S100A14: variants seen among roughly 807,000 people sequenced by gnomAD.
The protein encoded by S100A14 is S100 calcium binding protein A14, also known as protein S100-A14.
A neutral mutation model predicts 10.6 loss-of-function variants in S100A14; 6 were observed. That is an observed-to-expected ratio of 0.57 (90% CI 0.31 to 1.12). S100A14 has a LOEUF of 1.12. Among genes scored for constraint, S100A14 ranks in the 50% most tolerant of loss-of-function variants. The pLI is 0.06. For synonymous variants in S100A14, 51 were observed against 51.0 expected (o/e 1.00, Z 0.00); for missense variants, 121 against 128.7 (o/e 0.94, Z 0.29).
rs766967481 is a variant in S100A14, at chr1:153,615,393, G to A, written c.31-12C>T. The A allele has an allele frequency of 3.1e-6, 5 of 1,612,084 alleles. No individual in the cohort carries two copies. In the Admixed American group the frequency reaches 5.0e-5, roughly 16 times the overall value. ...AATTCCTGAGCATCCTGAGGGCAGG[G>A]GACATCACAAACATCAGTGAAGCTC... is the stretch of plus-strand genomic sequence containing the variant. On this transcript the variant is annotated splice_polypyrimidine_tract_variant and intron_variant, in intron 2 of 3. Coordinates refer to ENST00000344616, the MANE Select transcript of S100A14 (RefSeq NM_020672.3).
Position 153,615,932 on chromosome 1 carries a change from A to C in S100A14, c.-74T>G, listed in dbSNP as rs2101522769. On this transcript the variant is annotated 5_prime_UTR_variant, in exon 2 of 4. An upstream start codon of the reference 5' UTR is lost. Transcript: ENST00000344616. Reference sequence around the variant, plus strand: ...CTGGCCCCAGAGGAGCTGATGGCTCATGATCTGCTTAGAGGAGGGGGTAGG... The same window carrying C: ...CTGGCCCCAGAGGAGCTGATGGCTCCTGATCTGCTTAGAGGAGGGGGTAGG... 1 of 1,481,218 alleles carries C rather than the reference A, an allele frequency of 6.8e-7. No homozygotes were observed. Among genetic ancestry groups the C allele is most frequent in the East Asian group, 2.3e-5 (1 of 44,090 alleles). The allele number at this position is 1,481,218 out of a possible 1,614,324, so 91.8% of individuals were successfully genotyped here.
chr1:153,616,132 T>C, intron 1 of S100A14, 163 bp downstream of exon 1: 1 of 411,674 alleles, frequency 2.4e-6, no homozygotes, highest in Non-Finnish European at 4.5e-6. Context: ...GGGGAATCCC[T>C]TGGAACTCAC....
Position 153,615,235 on chromosome 1 carries a change from C to T in S100A14, c.177G>A (p.Pro59=), listed in dbSNP as rs201980286. The T allele has an allele frequency of 4.6e-5, 74 of 1,613,580 alleles. 1 individual carries two copies. The highest frequency in any genetic ancestry group is 4.5e-4 in the Admixed American group (27 of 59,996). ...GAGGTGGGGTGTGCTCCGTCCATAC[C>T]GGCATGAGATGGGGCAGCTGCTGGG... ...LVTQQLPHLM[P]SNCGLEEKIA... The change falls in exon 3 of 4, where the codon CCG becomes CCA. Residue 59 remains proline (P), a splice_region_variant and synonymous_variant. Transcript: ENST00000344616.
chr1:153,614,875 G>C lies in S100A14; in HGVS notation c.*10C>G. On this transcript the variant is annotated 3_prime_UTR_variant, in exon 4 of 4. Transcript: ENST00000344616. ...TCCCCAACACCCCCCAAGAATTCCA[G>C]AGGGAGTTCTCAGTGCCCCCGGACA... The C allele has an allele frequency of 6.2e-7, 1 of 1,612,208 alleles. No individual in the cohort carries two copies. Among genetic ancestry groups the C allele is most frequent in the Non-Finnish European group, 8.5e-7 (1 of 1,179,280 alleles).
At chr1:153,615,704 C>T (rs1666948473) in intron 2 of S100A14, 125 bp downstream of exon 2, 1 of 964,006 alleles carries the variant, frequency 1.0e-6, no homozygotes, top group Non-Finnish European at 1.6e-6. Context: ...GTTCACATCT[C>T]ACTCACAGGG....
Position 153,615,313 on chromosome 1 carries a change from G to A in S100A14, c.99C>T (p.Ser33=), listed in dbSNP as rs1270640565. The stretch of plus-strand genomic sequence containing the variant: ...TCAGCGTCTCCTTCCCACCCTCCAC[G>A]GAGTACTGGTGAAAGTTCTTGATGA... ...ETLIKNFHQY[S]VEGGKETLTP... The change falls in exon 3 of 4, where the codon TCC becomes TCT. Residue 33 remains serine, a synonymous_variant. Transcript: ENST00000344616. The A allele has an allele frequency of 9.9e-6, 16 of 1,613,922 alleles. No individual in the cohort carries two copies. The highest frequency in any genetic ancestry group is 1.3e-5 in the African/African-American group (1 of 74,998).
chr1:153,615,492 A>G, intron 2 of S100A14, 111 bp from the exon 3 acceptor site: 1 of 1,260,844 alleles, frequency 7.9e-7, no homozygotes, highest in African/African-American at 1.5e-5. Context: ...GAAGGCACAC[A>G]GCTCCCACCC....
rs546447155 is a variant in S100A14, at chr1:153,615,447, G to A, written c.31-66C>T. ...GCACCCCAAAACCCTGCTTCTCCAG[G>A]AGCCTAGCAAAGCCCCCAGGGCAGA... is the stretch of plus-strand genomic sequence containing the variant. On this transcript the variant is annotated intron_variant, in intron 2 of 3. Transcript: ENST00000344616. The A allele has an allele frequency of 4.5e-6, 7 of 1,564,542 alleles. No homozygotes were observed. In the African/African-American group the frequency reaches 9.5e-5, roughly 21 times the overall value.
Position 153,614,668 on chromosome 1 carries a change from C to A in S100A14, c.*217G>T. On this transcript the variant is annotated 3_prime_UTR_variant, in exon 4 of 4. Transcript: ENST00000344616. The stretch of plus-strand genomic sequence containing the variant: ...CCTCAAATATTCATCCCTGGCCCAA[C>A]CAGTCCCCTGAGCCTCCCTCTGGTG... The A allele has an allele frequency of 3.8e-6, 2 of 523,034 alleles. No individual in the cohort carries two copies. The highest frequency in any genetic ancestry group is 3.3e-5 in the South Asian group (1 of 30,072). 32.4% of individuals were successfully genotyped at this position (523,034 alleles called of 1,614,324 possible).
chr1:153,615,993 A>C, intron 1 of S100A14, 57 bp from the exon 2 acceptor site: 38 of 827,614 alleles, frequency 4.6e-5, no homozygotes, highest in East Asian at 1.1e-4. Context: ...TTTCTTTCTC[A>C]GCTGCCCCCT....
At position 153,616,310 on chromosome 1, in the gene S100A14, G is replaced by A. The variant is rs1358445643; in HGVS notation, c.-94C>T. On this transcript the variant is annotated 5_prime_UTR_variant, in exon 1 of 4. Transcript: ENST00000344616. ...GTTTCCTTACCTGTTGGCAGCCGCT[G>A]AGACAAGACAGGAGGAGCCAGCTCA... 1 of 159,768 alleles carries A rather than the reference G, an allele frequency of 6.3e-6. No individual in the cohort carries two copies. The highest frequency in any genetic ancestry group is 1.8e-4 in the East Asian group (1 of 5,642). 9.9% of individuals were successfully genotyped at this position (159,768 alleles called of 1,614,324 possible). A position where few individuals can be genotyped will look rare whatever the true frequency, so the allele number is the denominator to read the frequency against.
Position 153,615,821 on chromosome 1 carries a change from G to C in S100A14, c.30+8C>G, listed in dbSNP as rs762507768. The C allele has an allele frequency of 6.2e-7, 1 of 1,613,882 alleles. No individual in the cohort carries two copies. Among genetic ancestry groups the C allele is most frequent in the Non-Finnish European group, 8.5e-7 (1 of 1,179,822 alleles). ...GGGAGCAGAAAGGCCAGGAGTGAAT[G>C]AGCCCACCTCTGCGTTGGCTGACCG... On this transcript the variant is annotated splice_region_variant and intron_variant, in intron 2 of 3. Transcript: ENST00000344616.
At position 153,614,339 on chromosome 1, in the gene S100A14, C is replaced by T. The variant is rs1044138241; in HGVS notation, c.*546G>A. 5.9e-5 allele frequency: 9 copies of T among 152,910 alleles called. No homozygotes were observed. Among genetic ancestry groups the T allele is most frequent in the African/African-American group, 2.2e-4 (9 of 41,456 alleles). 9.5% of individuals were successfully genotyped at this position (152,910 alleles called of 1,614,324 possible). A position where few individuals can be genotyped will look rare whatever the true frequency, so the allele number is the denominator to read the frequency against. ...AATGCCCAAGCACCCAGCTGGTCCT[C>T]TCCCCACATGTCACACTCTCCTCAG... is the stretch of plus-strand genomic sequence containing the variant. On this transcript the variant is annotated 3_prime_UTR_variant, in exon 4 of 4. Transcript: ENST00000344616.
In S100A14 at chr1:153,616,168, C is replaced by G. The variant is rs149458610; in HGVS notation, c.-79+127G>C. On this transcript the variant is annotated intron_variant, in intron 1 of 3. Coordinates refer to ENST00000344616, the MANE Select transcript of S100A14 (RefSeq NM_020672.3). ...CTTAGCTTAATTCTTTCCACCTCCT[C>G]CAACCACCCACCTCTGCTTGAAACA... 512 of 305,914 alleles carry G rather than the reference C, an allele frequency of 1.7e-3. 5 individuals are homozygous for G. Among genetic ancestry groups the G allele is most frequent in the Middle Eastern group, 0.016 (16 of 992 alleles). 18.9% of individuals were successfully genotyped at this position (305,914 alleles called of 1,614,324 possible). A position where few individuals can be genotyped will look rare whatever the true frequency, so the allele number is the denominator to read the frequency against.
chr1:153,615,508 A>G (rs1379728434), intron 2 of S100A14, 127 bp from the exon 3 acceptor site: 5 of 1,117,364 alleles, frequency 4.5e-6, no homozygotes, highest in Non-Finnish European at 6.3e-6. Context: ...CACCCACTCC[A>G]GAGCCCAGAA....
In S100A14 at chr1:153,614,423, G is replaced by A. The variant is rs1173555269; in HGVS notation, c.*462C>T. ...GCCCTAGCCCAGGGACAGAGTCTAG[G>A]AGGAGCCTGGGGCAGAGCTGGAGGC... is the stretch of plus-strand genomic sequence containing the variant. On this transcript the variant is annotated 3_prime_UTR_variant, in exon 4 of 4. Coordinates refer to ENST00000344616, the MANE Select transcript of S100A14 (RefSeq NM_020672.3). 2 of 158,786 alleles carry A rather than the reference G, an allele frequency of 1.3e-5. No individual in the cohort carries two copies. The highest frequency in any genetic ancestry group is 2.8e-5 in the Non-Finnish European group (2 of 71,860). 9.8% of individuals were successfully genotyped at this position (158,786 alleles called of 1,614,324 possible).
At chr1:153,615,059 G>T in intron 3 of S100A14, 37 bp from the exon 4 acceptor site, 1 of 1,608,034 alleles carries the variant, frequency 6.2e-7, no homozygotes, top group Non-Finnish European at 8.5e-7. Context: ...CAGGGATGCA[G>T]CACCTTCCAA....
chr1:153,615,606 G>A (rs1332590433), intron 2 of S100A14, among the ~76,000 whole-genome samples: 4 of 152,004 alleles, frequency 2.6e-5, no homozygotes, highest in Non-Finnish European at 5.9e-5. Flanking sequence ...ACCCCCCACC[G>A]CAGGCAGAGC....
intron 2 of S100A14, 125 bp from the exon 3 acceptor site, chr1:153,615,506 C>A: frequency 1.3e-5 from 14 of 1,116,586 alleles, no homozygotes; most frequent in Non-Finnish European, 1.8e-5. Context: ...CCCACCCACT[C>A]CAGAGCCCAG....
Sources: allele counts gnomAD v4.1 joint callset (sites outside exome capture counted in the v4.1 genomes callset), GRCh38; gene constraint gnomAD v4.1.1; transcripts MANE v1.5; gene names NCBI Gene and HGNC (gene_info 2026-07-23, HGNC 2026-07-21).